PLCH1: variants seen among roughly 807,000 people sequenced by gnomAD.
PLCH1 encodes the protein 1-phosphatidylinositol 4,5-bisphosphate phosphodiesterase eta-1.
PLCH1 carries 60 observed loss-of-function variants against 126.7 expected under a neutral mutation model. That is an observed-to-expected ratio of 0.47 (90% CI 0.38 to 0.59). The LOEUF (loss-of-function observed/expected upper bound fraction) is 0.59, where lower values mean the gene tolerates loss of function less well. PLCH1 is among the 20% of genes least tolerant of loss of function. PLCH1 has a pLI of 0.00. For synonymous variants in PLCH1, 719 were observed against 734.9 expected (o/e 0.98, Z 0.35); for missense variants, 1,723 against 2,040.0 (o/e 0.84, Z 2.99).
chr3:155,689,817 T>C (rs958151234), intron 2 of PLCH1, among the ~76,000 whole-genome samples: 5 of 152,106 alleles, frequency 3.3e-5, no homozygotes, highest in African/African-American at 7.2e-5. Context: ...CTAAAAGTTA[T>C]TGGCCTTAAA....
intron 20 of PLCH1, 92 bp downstream of exon 20, chr3:155,488,568 G>A (rs751152890): frequency 2.1e-5 from 22 of 1,053,778 alleles, no homozygotes; most frequent in East Asian, 2.5e-5. Flanking sequence ...ATTTTATCAC[G>A]TATGCTATTA....
chr3:155,720,570 TG>T (rs200851354), intron 1 of PLCH1, among the ~76,000 whole-genome samples: 1,728 of 152,288 alleles, frequency 0.011, 19 homozygotes, highest in Non-Finnish European at 0.018. Flanking sequence ...TGGGATTATT[TG>T]TTTTTTTCTT....
chr3:155,483,814 C>G (rs997178240), intron 22 of PLCH1, among the ~76,000 whole-genome samples: 3 of 151,984 alleles, frequency 2.0e-5, no homozygotes, highest in Admixed American at 1.3e-4. Flanking sequence ...TTGGGATAGC[C>G]CATCATGGTT....
At position 155,458,507 on chromosome 3, in the gene PLCH1, GAGAGAGAAAT is replaced by G. The variant is rs1340181644; in HGVS notation, c.2938+26839_2938+26848del. On this transcript the variant is annotated intron_variant, in intron 21 of 21. Coordinates refer to the PLCH1 transcript ENST00000494598. Reference sequence around the variant, plus strand: ...GAAAGAAAGAAAGAAAGAGAAAGAAGAGAGAGAAATAAGAAAGAGAAAGAAAGAAAAAGAA... The same window carrying G: ...GAAAGAAAGAAAGAAAGAGAAAGAAGAAGAAAGAGAAAGAAAGAAAAAGAA... Among the ~76,000 whole-genome samples the G allele has an allele frequency of 2.9e-4, 30 of 102,206 alleles. 4 individuals are homozygous for G. The highest frequency in any genetic ancestry group is 1.9e-3 in the African/African-American group (28 of 14,892). The allele number at this position is 102,206 out of a possible 152,430, so 67.1% of individuals were successfully genotyped here. A position where few individuals can be genotyped will look rare whatever the true frequency, so the allele number is the denominator to read the frequency against.
rs867713036 is a variant in PLCH1 at position 155,481,000 on chromosome 3, T to C, written c.5026A>G (p.Lys1676Glu). Reference protein sequence around the residue: ...VLQTEPSSDDKPEIYFLLRL With the variant: ...VLQTEPSSDDEPEIYFLLRL ...CTCAAAAGAAAATAAATTTCTGGTT[T>C]ATCATCACTGCTTGGCTCAGTCTGC... The change falls in exon 23 of 23, where the codon AAA becomes GAA. Residue 1676 changes from lysine to glutamate, a missense_variant. Physicochemically the swap from Lys to Glu is moderately conservative, Grantham distance 56. Transcript: ENST00000460012. 4 of 1,592,498 alleles carry C rather than the reference T, an allele frequency of 2.5e-6. No individual in the cohort carries two copies. The highest frequency in any genetic ancestry group is 1.3e-5 in the African/African-American group (1 of 74,356).
chr3:155,531,690 T>C (rs1158013849), intron 10 of PLCH1, among the ~76,000 whole-genome samples: 1 of 152,228 alleles, frequency 6.6e-6, no homozygotes, highest in Non-Finnish European at 1.5e-5. Flanking sequence ...CTAAACCTTC[T>C]AGATCCCTTG....
chr3:155,655,328 C>T (rs1741223229), intron 2 of PLCH1, among the ~76,000 whole-genome samples: 1 of 151,704 alleles, frequency 6.6e-6, no homozygotes, highest in Non-Finnish European at 1.5e-5. Flanking sequence ...CCCAGTTACT[C>T]GGGAGGTTAG....
intron 2 of PLCH1, among the ~76,000 whole-genome samples, chr3:155,685,240 T>C (rs1286296826): frequency 6.6e-6 from 1 of 152,154 alleles, no homozygotes; most frequent in East Asian, 1.9e-4. Context: ...AACCAGTTGC[T>C]CAATTGTGAG....
In PLCH1 at chr3:155,556,668, C is replaced by A. The variant is rs576376581; in HGVS notation, c.1070-2472G>T. ...GGCTTTGGGTAAAGCCGATTATGCTCCACAATGTGAGTGGGCCTCGCCCAG... is the reference window on the plus strand; with the variant it reads ...GGCTTTGGGTAAAGCCGATTATGCTACACAATGTGAGTGGGCCTCGCCCAG... On this transcript the variant is annotated intron_variant, in intron 8 of 22. Transcript: ENST00000460012. Among the ~76,000 whole-genome samples the A allele has an allele frequency of 2.6e-5, 4 of 152,278 alleles. No homozygotes were observed. The East Asian group carries it at 7.7e-4, about 29-fold the overall frequency.
At position 155,451,883 on chromosome 3, in the gene PLCH1, G is replaced by T. The variant is rs138515056; in HGVS notation, c.2938+33473C>A. 2.2e-3 allele frequency among the ~76,000 whole-genome samples: 336 copies of T among 152,190 alleles called. 1 individual carries two copies. Among genetic ancestry groups the T allele is most frequent in the African/African-American group, 7.5e-3 (313 of 41,532 alleles). On this transcript the variant is annotated intron_variant, in intron 21 of 21. Coordinates refer to the PLCH1 transcript ENST00000494598. Reference sequence around the variant, plus strand: ...TGGAACCAACACTATCAGCTCACTTGCTTCTCAGGCCTTCCTACTCAAACT... The same window carrying T: ...TGGAACCAACACTATCAGCTCACTTTCTTCTCAGGCCTTCCTACTCAAACT...
intron 8 of PLCH1, among the ~76,000 whole-genome samples, chr3:155,558,706 G>A (rs1168594186): frequency 2.6e-5 from 4 of 152,006 alleles, no homozygotes; most frequent in South Asian, 2.1e-4. Context: ...TACTTAGAAT[G>A]GTACACAACT....
intron 21 of PLCH1, among the ~76,000 whole-genome samples, chr3:155,467,063 G>A (rs1288542171): frequency 6.6e-6 from 1 of 152,076 alleles, no homozygotes; most frequent in Non-Finnish European, 1.5e-5. Context: ...GAAAGAGATA[G>A]GGGGTAGAAA....
intron 4 of PLCH1, among the ~76,000 whole-genome samples, chr3:155,586,691 C>T (rs1365960589): frequency 2.0e-5 from 3 of 151,780 alleles, no homozygotes; most frequent in Non-Finnish European, 4.4e-5. Context: ...AAGAATGAAA[C>T]TCTGTCTCAA....
intron 2 of PLCH1, among the ~76,000 whole-genome samples, chr3:155,698,930 T>C (rs371811627): frequency 6.6e-6 from 1 of 151,846 alleles, no homozygotes; most frequent in East Asian, 1.9e-4. Flanking sequence ...TTAGTTCTAT[T>C]ATAATTTATA....
chr3:155,610,212 T>C (rs1047386327), intron 2 of PLCH1, among the ~76,000 whole-genome samples: 9 of 151,554 alleles, frequency 5.9e-5, no homozygotes, highest in African/African-American at 2.2e-4. Flanking sequence ...ATACAAAAAA[T>C]TGGCCGGGCA....
chr3:155,685,115 A>G (rs1167479741), intron 2 of PLCH1, among the ~76,000 whole-genome samples: 2 of 152,206 alleles, frequency 1.3e-5, no homozygotes, highest in African/African-American at 4.8e-5. Flanking sequence ...AGACCCACCC[A>G]GATCCAAACT....
intron 2 of PLCH1, among the ~76,000 whole-genome samples, chr3:155,661,196 T>C (rs1742095129): frequency 6.6e-6 from 1 of 152,198 alleles, no homozygotes; most frequent in Non-Finnish European, 1.5e-5. Context: ...CACAACCTTA[T>C]TGATTTTTGG....
At chr3:155,533,867 C>T (rs754404292) in intron 10 of PLCH1, among the ~76,000 whole-genome samples, 1 of 152,258 alleles carries the variant, frequency 6.6e-6, no homozygotes, top group Non-Finnish European at 1.5e-5. Context: ...GTGTAAGCTC[C>T]AAGCCTTGGA....
At chr3:155,646,383 A>G (rs761533309) in intron 2 of PLCH1, among the ~76,000 whole-genome samples, 3 of 152,060 alleles carry the variant, frequency 2.0e-5, no homozygotes, top group Non-Finnish European at 4.4e-5. Flanking sequence ...AGCTGTCACC[A>G]TAACTTCTGA....
Sources: gnomAD v4.1 joint callset for allele counts (sites outside exome capture counted in the v4.1 genomes callset) on GRCh38, gnomAD v4.1.1 for gene constraint, MANE v1.5 for transcripts, NCBI Gene and HGNC (gene_info 2026-07-23, HGNC 2026-07-21) for gene names.